Variants in BLOC1S3 observed in about 807,000 individuals in gnomAD.
BLOC1S3 encodes biogenesis of lysosomal organelles complex 1 subunit 3.
A neutral mutation model predicts 9.1 loss-of-function variants in BLOC1S3; 7 were observed. That is an observed-to-expected ratio of 0.77 (90% CI 0.44 to 1.45). BLOC1S3 has a LOEUF of 1.45. Among genes scored for constraint, BLOC1S3 ranks in the 40% most tolerant of loss-of-function variants. The pLI, the probability that BLOC1S3 is intolerant of heterozygous loss-of-function variation, is 0.01. For synonymous variants in BLOC1S3, 145 were observed against 158.4 expected (o/e 0.92, Z 0.64); for missense variants, 307 against 315.2 (o/e 0.97, Z 0.20).
intron 2 of BLOC1S3, among the ~76,000 whole-genome samples, chr19:45,193,145 A>AAAAG (rs1969620015): frequency 1.5e-5 from 2 of 133,290 alleles, no homozygotes; most frequent in Non-Finnish European, 3.0e-5. Context: ...AAAAAAAAAA[A>AAAAG]AAAAAAAAAA....
At chr19:45,201,676 C>A (rs1300326402) in intron 2 of BLOC1S3, among the ~76,000 whole-genome samples, 1 of 152,148 alleles carries the variant, frequency 6.6e-6, no homozygotes, top group Non-Finnish European at 1.5e-5. Flanking sequence ...GCTGAGCTGG[C>A]ACCCAAGCCA....
At chr19:45,202,137 G>A (rs540064767) in intron 2 of BLOC1S3, among the ~76,000 whole-genome samples, 6 of 149,154 alleles carry the variant, frequency 4.0e-5, no homozygotes, top group South Asian at 2.2e-4. Flanking sequence ...GCGTGAACCC[G>A]GGAGGCAGAG....
At chr19:45,192,724 C>G (rs1353564610) in intron 2 of BLOC1S3, among the ~76,000 whole-genome samples, 2 of 152,152 alleles carry the variant, frequency 1.3e-5, no homozygotes, top group African/African-American at 2.4e-5. Flanking sequence ...AAGCTAGAGC[C>G]TGGAATGGGG....
chr19:45,183,623 CTTTTTTTTTT>C (rs57651816), downstream of BLOC1S3, among the ~76,000 whole-genome samples: 2 of 105,112 alleles, frequency 1.9e-5, no homozygotes, highest in Non-Finnish European at 3.7e-5. Flanking sequence ...CTTTTCTTTT[CTTTTTTTTTT>C]TTTTTTTTTT....
downstream of BLOC1S3, among the ~76,000 whole-genome samples, chr19:45,186,380 C>G (rs1252439892): frequency 6.6e-6 from 1 of 152,088 alleles, no homozygotes; most frequent in African/African-American, 2.4e-5. Flanking sequence ...TCAGGCTGGT[C>G]TTGAACTCCT....
chr19:45,203,250 A>C (rs1227644093), intron 3 of BLOC1S3, among the ~76,000 whole-genome samples: 1 of 140,644 alleles, frequency 7.1e-6, no homozygotes, highest in Non-Finnish European at 1.5e-5. Context: ...TTGTGGCCTG[A>C]CTGCCTTTCA....
intron 2 of BLOC1S3, among the ~76,000 whole-genome samples, chr19:45,193,133 A>C (rs1364585140): frequency 9.3e-5 from 3 of 32,232 alleles, no homozygotes; most frequent in Admixed American, 2.8e-4. Flanking sequence ...ACTCCGTCTC[A>C]AAAAAAAAAA....
In BLOC1S3 at chr19:45,180,083, C is replaced by G; in HGVS notation, c.*178C>G. ...CTTTATATTGGATATAGTTCAACCC[C>G]TACTGCGGAGACCAGGGCCCCACTA... On this transcript the variant is annotated 3_prime_UTR_variant, in exon 2 of 2. Transcript: ENST00000433642. 1 of 657,126 alleles carries G rather than the reference C, an allele frequency of 1.5e-6. No individual in the cohort carries two copies. The highest frequency in any genetic ancestry group is 2.5e-6 in the Non-Finnish European group (1 of 404,746). The allele number at this position is 657,126 out of a possible 1,614,324, so 40.7% of individuals were successfully genotyped here.
intron 2 of BLOC1S3, among the ~76,000 whole-genome samples, chr19:45,196,898 C>CACA (rs1969652678): frequency 7.3e-6 from 1 of 136,990 alleles, no homozygotes; most frequent in Admixed American, 7.3e-5. Context: ...AAGACTGTCT[C>CACA]AAAAAAAAAA....
intron 3 of BLOC1S3, chr19:45,212,598 CTTTTTTTTTTTTTT>C (rs530736333): frequency 9.0e-6 from 1 of 111,352 alleles, no homozygotes; most frequent in African/African-American, 4.0e-5. Context: ...TTCCCCCTAC[CTTTTTTTTTTTTTT>C]TTTTTTTTGA....
chr19:45,197,052 G>A (rs914556636), intron 2 of BLOC1S3, among the ~76,000 whole-genome samples: 4 of 152,026 alleles, frequency 2.6e-5, no homozygotes, highest in Non-Finnish European at 5.9e-5. Flanking sequence ...GACCCAAGTG[G>A]GACCTCAGCA....
intron 2 of BLOC1S3, among the ~76,000 whole-genome samples, chr19:45,193,045 A>AT: frequency 6.8e-6 from 1 of 147,640 alleles, no homozygotes; most frequent in East Asian, 2.1e-4. Flanking sequence ...AGGCAGGAGA[A>AT]TACTTGAACC....
At chr19:45,213,225 G>A in intron 3 of BLOC1S3, 4 of 1,612,154 alleles carry the variant, frequency 2.5e-6, no homozygotes, top group Non-Finnish European at 3.4e-6. Context: ...CTGCAAAGAA[G>A]GCACGGTCCC....
At chr19:45,190,561 G>A (rs1007080036) in intron 2 of BLOC1S3, among the ~76,000 whole-genome samples, 19 of 133,370 alleles carry the variant, frequency 1.4e-4, no homozygotes, top group African/African-American at 4.8e-4. Context: ...TACCATGCCT[G>A]GCCAATTTTT....
intron 3 of BLOC1S3, chr19:45,215,993 G>T: frequency 6.4e-7 from 1 of 1,569,280 alleles, no homozygotes; most frequent in Non-Finnish European, 8.7e-7. Flanking sequence ...CAGGAGGCAG[G>T]AAGCACAGGG....
intron 3 of BLOC1S3, among the ~76,000 whole-genome samples, chr19:45,209,142 G>A (rs534055211): frequency 1.3e-5 from 2 of 151,386 alleles, no homozygotes; most frequent in African/African-American, 2.4e-5. Context: ...TCTGCCTCCC[G>A]GGTTCAAACC....
At chr19:45,182,729 G>A (rs191713739), downstream of BLOC1S3, among the ~76,000 whole-genome samples, 40 of 152,246 alleles carry the variant, frequency 2.6e-4, no homozygotes, top group South Asian at 4.4e-3. Flanking sequence ...TGTTGCCCAA[G>A]TTGGTCTTGA....
At chr19:45,186,386 C>T (rs1035621493), downstream of BLOC1S3, among the ~76,000 whole-genome samples, 11 of 152,090 alleles carry the variant, frequency 7.2e-5, no homozygotes, top group Admixed American at 3.3e-4. Context: ...TGGTCTTGAA[C>T]TCCTGGGCTC....
At chr19:45,190,563 C>A (rs1040797322) in intron 2 of BLOC1S3, among the ~76,000 whole-genome samples, 4 of 130,010 alleles carry the variant, frequency 3.1e-5, no homozygotes, top group African/African-American at 1.0e-4. Context: ...CCATGCCTGG[C>A]CAATTTTTGT....
Sources: allele counts gnomAD v4.1 joint callset (sites outside exome capture counted in the v4.1 genomes callset), GRCh38; gene constraint gnomAD v4.1.1; transcripts MANE v1.5; gene names NCBI Gene and HGNC (gene_info 2026-07-23, HGNC 2026-07-21).